The following CSMD1 variants were observed in gnomAD, a reference collection of about 807,000 sequenced individuals.
CSMD1 encodes CUB and sushi domain-containing protein 1.
Under a neutral mutation model 417.5 loss-of-function variants are expected in CSMD1, and 213 were observed. That is an observed-to-expected ratio of 0.51 (90% confidence interval 0.46 to 0.57). The LOEUF (loss-of-function observed/expected upper bound fraction) is 0.57. Among genes scored for constraint, CSMD1 ranks in the 20% least tolerant of loss-of-function variants. The pLI, the probability that CSMD1 is intolerant of heterozygous loss-of-function variation, is 0.00. For synonymous variants in CSMD1, 2,862 were observed against 1,736.8 expected (o/e 1.65, Z -16.11); for missense variants, 6,923 against 4,529.7 (o/e 1.53, Z -15.17).
In CSMD1 at chr8:3,018,487, A is replaced by C. The variant is rs1809055557; in HGVS notation, c.8019T>G (p.Thr2673=). ...LANGLWSGSE[T]RCLAGHCGSP... ...CACAGATGAATTTACCCAGACATCG[A>C]GTTTCGCTGCCGCTCCAGAGCCCAT... is the stretch of plus-strand genomic sequence containing the variant. Residue 2673 remains threonine, a synonymous_variant, in exon 52 of 70, where the codon ACT becomes ACG. Coordinates refer to ENST00000635120, the MANE Select transcript of CSMD1 (RefSeq NM_033225.6). The C allele has an allele frequency of 1.2e-6, 2 of 1,613,166 alleles. No individual in the cohort carries two copies. Among genetic ancestry groups the C allele is most frequent in the Admixed American group, 1.7e-5 (1 of 59,902 alleles).
intron 18 of CSMD1, among the ~76,000 whole-genome samples, chr8:3,369,667 T>C (rs1303593055): frequency 1.3e-5 from 2 of 152,176 alleles, no homozygotes; most frequent in Non-Finnish European, 2.9e-5. Context: ...AGGTTTGCAC[T>C]CCTGAGAGCC....
intron 3 of CSMD1, among the ~76,000 whole-genome samples, chr8:4,056,668 C>G (rs371720120): frequency 5.3e-5 from 8 of 152,052 alleles, no homozygotes; most frequent in African/African-American, 1.9e-4. Flanking sequence ...TATATCTCCT[C>G]ATGCTATCCC....
At chr8:4,217,815 C>A (rs917103579) in intron 3 of CSMD1, among the ~76,000 whole-genome samples, 1 of 152,070 alleles carries the variant, frequency 6.6e-6, no homozygotes, top group South Asian at 2.1e-4. Flanking sequence ...GTCGATCACC[C>A]TCTCAAGTAA....
intron 1 of CSMD1, among the ~76,000 whole-genome samples, chr8:4,669,536 A>G (rs926402633): frequency 1.3e-5 from 2 of 152,190 alleles, no homozygotes; most frequent in African/African-American, 4.8e-5. Flanking sequence ...GACACATATC[A>G]ATGAGAATTT....
chr8:3,834,171 T>A (rs190197433), intron 5 of CSMD1, among the ~76,000 whole-genome samples: 354 of 152,324 alleles, frequency 2.3e-3, no homozygotes, highest in African/African-American at 8.2e-3. Flanking sequence ...ACCTATTTTT[T>A]ACCTATTCTA....
intron 2 of CSMD1, among the ~76,000 whole-genome samples, chr8:4,580,351 T>C (rs531404408): frequency 4.1e-4 from 63 of 152,322 alleles, no homozygotes; most frequent in Non-Finnish European, 8.2e-4. Context: ...CATATATCTT[T>C]TTAACATTTT....
intron 50 of CSMD1, among the ~76,000 whole-genome samples, chr8:3,044,589 C>A (rs563173606): frequency 1.3e-5 from 2 of 151,746 alleles, no homozygotes; most frequent in East Asian, 3.9e-4. Flanking sequence ...TAGCATGAAT[C>A]GTGTCTTCGA....
At chr8:4,945,612 G>A (rs552745200) in intron 1 of CSMD1, among the ~76,000 whole-genome samples, 2 of 152,152 alleles carry the variant, frequency 1.3e-5, no homozygotes, top group East Asian at 1.9e-4. Flanking sequence ...GAAATTCTAA[G>A]TGATGTATTC....
chr8:3,660,437 A>G (rs1798353057), intron 7 of CSMD1, among the ~76,000 whole-genome samples: 1 of 146,316 alleles, frequency 6.8e-6, no homozygotes, highest in Non-Finnish European at 1.5e-5. Context: ...AAGCAAACAC[A>G]GGAGTAAGAA....
chr8:4,959,223 C>G (rs1223119767), intron 1 of CSMD1, among the ~76,000 whole-genome samples: 1 of 152,130 alleles, frequency 6.6e-6, no homozygotes, highest in Admixed American at 6.6e-5. Flanking sequence ...TGAAGCGGTG[C>G]TTGTTATGTA....
At position 4,588,451 on chromosome 8, in the gene CSMD1, C is replaced by T. The variant is rs189539201; in HGVS notation, c.302+48891G>A. ...CTAGATAGTACAGCCAGTCTGTCCT[C>T]TCTGCACTGTATTTGAAACAGTGGT... On this transcript the variant is annotated intron_variant, in intron 2 of 69. Coordinates refer to ENST00000635120, the MANE Select transcript of CSMD1 (RefSeq NM_033225.6). Among the ~76,000 whole-genome samples, 76 of 151,534 alleles carry T rather than the reference C, an allele frequency of 5.0e-4. 1 individual carries two copies. The East Asian group carries it at 0.014, about 28-fold the overall frequency.
At chr8:3,807,905 C>G (rs767960846) in intron 5 of CSMD1, among the ~76,000 whole-genome samples, 4 of 152,156 alleles carry the variant, frequency 2.6e-5, no homozygotes, top group Admixed American at 6.5e-5. Context: ...GCCAAGTAAT[C>G]ACATAGAAAA....
rs1034542793 is a variant in CSMD1, at chr8:3,370,269, G to A, written c.2783-899C>T. The stretch of plus-strand genomic sequence containing the variant: ...AGACCTCTCAAGCTATCCTATGAAT[G>A]GAAGCACTGAACTGAAAAAGAATAA... On this transcript the variant is annotated intron_variant, in intron 18 of 69. Transcript: ENST00000635120. Among the ~76,000 whole-genome samples the A allele has an allele frequency of 2.0e-5, 3 of 152,140 alleles. No homozygotes were observed. In the East Asian group the frequency reaches 5.8e-4, roughly 29 times the overall value.
chr8:4,899,482 G>C (rs780374343), intron 1 of CSMD1, among the ~76,000 whole-genome samples: 2 of 152,126 alleles, frequency 1.3e-5, no homozygotes, highest in Non-Finnish European at 2.9e-5. Context: ...TTAAAGAGAA[G>C]AAATCCCAAT....
intron 40 of CSMD1, among the ~76,000 whole-genome samples, chr8:3,144,181 G>A (rs1818687442): frequency 1.3e-5 from 2 of 152,120 alleles, no homozygotes; most frequent in African/African-American, 4.8e-5. Flanking sequence ...CTAAGGCTCT[G>A]AAATGTTAGA....
chr8:4,562,633 A>G (rs1000299734), intron 2 of CSMD1, among the ~76,000 whole-genome samples: 7 of 152,204 alleles, frequency 4.6e-5, no homozygotes, highest in African/African-American at 9.7e-5. Context: ...AGGACACATC[A>G]GAAATGTCAG....
At chr8:3,580,059 G>C (rs1271965123) in intron 9 of CSMD1, among the ~76,000 whole-genome samples, 1 of 152,040 alleles carries the variant, frequency 6.6e-6, no homozygotes. Context: ...AGCCAAGATA[G>C]CACCACTGTA....
At chr8:4,549,290 A>T (rs183659912) in intron 2 of CSMD1, among the ~76,000 whole-genome samples, 1 of 152,298 alleles carries the variant, frequency 6.6e-6, no homozygotes, top group Admixed American at 6.5e-5. Flanking sequence ...CACCCAGGTG[A>T]CTTGGAATGC....
At chr8:3,265,933 A>T (rs1801399290) in intron 26 of CSMD1, among the ~76,000 whole-genome samples, 1 of 151,932 alleles carries the variant, frequency 6.6e-6, no homozygotes, top group African/African-American at 2.4e-5. Flanking sequence ...GCACTTGGCC[A>T]GGGAAAGGGG....
Sources: allele counts gnomAD v4.1 joint callset (sites outside exome capture counted in the v4.1 genomes callset), GRCh38; gene constraint gnomAD v4.1.1; transcripts MANE v1.5; gene names NCBI Gene and HGNC (gene_info 2026-07-23, HGNC 2026-07-21).